The following SOX5 variants were observed in gnomAD, a reference collection of about 807,000 sequenced individuals.
SOX5 encodes the protein transcription factor SOX-5.
A neutral mutation model predicts 92.0 loss-of-function variants in SOX5; 9 were observed. The ratio of observed to expected loss-of-function variants is 0.10; its 90% CI spans 0.06 to 0.17. SOX5 has a LOEUF of 0.17. Ranked by LOEUF, SOX5 falls within the 10% of genes least tolerant of loss-of-function variation. The pLI is 1.00. For synonymous variants in SOX5, 344 were observed against 336.3 expected (o/e 1.02, Z -0.25); for missense variants, 642 against 944.5 (o/e 0.68, Z 4.20).
intron 9 of SOX5, among the ~76,000 whole-genome samples, chr12:23,576,626 T>C (rs547014164): frequency 1.1e-4 from 16 of 152,210 alleles, no homozygotes; most frequent in Non-Finnish European, 2.4e-4. Flanking sequence ...AGCTGTTCTA[T>C]GGTTTGACAG....
intron 4 of SOX5, among the ~76,000 whole-genome samples, chr12:24,069,893 T>G (rs1043134970): frequency 6.6e-6 from 1 of 152,164 alleles, no homozygotes. Context: ...AATCTACAGC[T>G]ACTACACAAA....
At chr12:24,499,046 G>A (rs758884940) in intron 1 of SOX5, among the ~76,000 whole-genome samples, 2 of 152,112 alleles carry the variant, frequency 1.3e-5, no homozygotes, top group Non-Finnish European at 2.9e-5. Context: ...AATCTACATG[G>A]GCTCATGCTC....
intron 4 of SOX5, among the ~76,000 whole-genome samples, chr12:24,053,312 T>A (rs1957761052): frequency 6.6e-6 from 1 of 151,936 alleles, no homozygotes; most frequent in South Asian, 2.1e-4. Flanking sequence ...ATACTGTTAG[T>A]AGAGACGGGG....
intron 6 of SOX5, among the ~76,000 whole-genome samples, chr12:23,683,758 T>G (rs932768928): frequency 4.6e-5 from 7 of 152,052 alleles, no homozygotes; most frequent in African/African-American, 1.7e-4. Flanking sequence ...TACTTGACAT[T>G]TTGTATGCAT....
intron 1 of SOX5, among the ~76,000 whole-genome samples, chr12:24,493,428 G>A (rs75889956): frequency 0.019 from 2,855 of 152,194 alleles, 96 homozygotes; most frequent in African/African-American, 0.066. Context: ...TAATACTAAT[G>A]TATTAAAACT....
At chr12:24,300,291 A>T (rs1209343579) in intron 2 of SOX5, among the ~76,000 whole-genome samples, 1 of 152,196 alleles carries the variant, frequency 6.6e-6, no homozygotes, top group Non-Finnish European at 1.5e-5. Context: ...ATTAAAGTAT[A>T]CTGGAATTCA....
At chr12:24,137,486 G>A (rs891785997) in intron 4 of SOX5, among the ~76,000 whole-genome samples, 1 of 152,058 alleles carries the variant, frequency 6.6e-6, no homozygotes, top group Non-Finnish European at 1.5e-5. Flanking sequence ...ACAAAAATTA[G>A]CCGGGCATGG....
chr12:24,061,127 TG>T (rs1939609178), intron 4 of SOX5, among the ~76,000 whole-genome samples: 1 of 152,036 alleles, frequency 6.6e-6, no homozygotes, highest in Non-Finnish European at 1.5e-5. Context: ...CTTTTTTTTT[TG>T]TAATTGCTAT....
rs559060237 is a variant in SOX5 at position 23,592,713 on chromosome 12, T to C, written c.1164+11674A>G. ...AAATTTAATATTGATAAGCTGAAGATTTCAATGAGCAAAATTCTTATTTCA... is the reference window on the plus strand; with the variant it reads ...AAATTTAATATTGATAAGCTGAAGACTTCAATGAGCAAAATTCTTATTTCA... On this transcript the variant is annotated intron_variant, in intron 9 of 14. Coordinates refer to ENST00000451604, the MANE Select transcript of SOX5 (RefSeq NM_006940.6). Among the ~76,000 whole-genome samples, 16 of 152,300 alleles carry C rather than the reference T, an allele frequency of 1.1e-4. No individual in the cohort carries two copies. The South Asian group carries it at 2.9e-3, about 28-fold the overall frequency.
At chr12:24,124,074 T>C (rs1346311951) in intron 4 of SOX5, among the ~76,000 whole-genome samples, 1 of 152,224 alleles carries the variant, frequency 6.6e-6, no homozygotes, top group Non-Finnish European at 1.5e-5. Flanking sequence ...AGTAATAGGA[T>C]CCTATTAAAT....
At chr12:24,418,029 T>C (rs977624817) in intron 1 of SOX5, among the ~76,000 whole-genome samples, 2 of 152,188 alleles carry the variant, frequency 1.3e-5, no homozygotes, top group African/African-American at 2.4e-5. Context: ...GAGGAATTAT[T>C]TCAAAGATTT....
intron 13 of SOX5, among the ~76,000 whole-genome samples, chr12:23,540,724 T>C (rs1941834916): frequency 6.6e-6 from 1 of 152,232 alleles, no homozygotes. Flanking sequence ...GAATGGCTTA[T>C]TAAAACCAGA....
intron 1 of SOX5, among the ~76,000 whole-genome samples, chr12:24,517,290 A>T (rs933201227): frequency 3.3e-5 from 5 of 152,208 alleles, no homozygotes; most frequent in African/African-American, 1.2e-4. Flanking sequence ...AAGAAGATCT[A>T]AAATCATTCA....
chr12:24,518,999 A>G (rs552744820), intron 1 of SOX5, among the ~76,000 whole-genome samples: 2 of 152,306 alleles, frequency 1.3e-5, no homozygotes, highest in South Asian at 4.1e-4. Context: ...TTATACTTCC[A>G]AGAGAAAATA....
chr12:24,406,357 C>T (rs1291160809), intron 1 of SOX5, among the ~76,000 whole-genome samples: 1 of 152,072 alleles, frequency 6.6e-6, no homozygotes, highest in Admixed American at 6.6e-5. Flanking sequence ...CCATGAAAGT[C>T]TCCCAAAAGT....
chr12:23,987,326 G>T (rs893034059), intron 4 of SOX5, among the ~76,000 whole-genome samples: 3 of 152,224 alleles, frequency 2.0e-5, no homozygotes, highest in African/African-American at 7.2e-5. Flanking sequence ...GCAAGGAGGA[G>T]CCAGCCATAC....
intron 2 of SOX5, among the ~76,000 whole-genome samples, chr12:24,323,914 T>C (rs1422106209): frequency 6.6e-6 from 1 of 152,078 alleles, no homozygotes; most frequent in Non-Finnish European, 1.5e-5. Flanking sequence ...CTAAATTTCT[T>C]GGGGAAAATG....
chr12:24,489,247 TAGATTTC>T (rs1232073541), intron 1 of SOX5, among the ~76,000 whole-genome samples: 1 of 152,242 alleles, frequency 6.6e-6, no homozygotes, highest in African/African-American at 2.4e-5. Flanking sequence ...TTGCTTCATG[TAGATTTC>T]AGTATACTTG....
chr12:23,564,948 A>G (rs1247007893), intron 10 of SOX5, among the ~76,000 whole-genome samples: 3 of 152,186 alleles, frequency 2.0e-5, no homozygotes, highest in Non-Finnish European at 4.4e-5. Flanking sequence ...AGGTTTCTAA[A>G]TGATCCATGC....
Sources: gnomAD v4.1 joint callset for allele counts (sites outside exome capture counted in the v4.1 genomes callset) on GRCh38, gnomAD v4.1.1 for gene constraint, MANE v1.5 for transcripts, NCBI Gene and HGNC (gene_info 2026-07-23, HGNC 2026-07-21) for gene names.